The following GABRA3 variants were observed in gnomAD, a reference collection of about 807,000 sequenced individuals.
GABRA3 encodes gamma-aminobutyric acid receptor subunit alpha-3.
In GABRA3, 10 loss-of-function variants were observed where a neutral mutation model predicts 30.1. That is an observed-to-expected ratio of 0.33 (90% CI 0.20 to 0.56). The LOEUF is 0.56. GABRA3 is among the 20% of genes least tolerant of loss of function. The probability of loss-of-function intolerance (pLI) is 0.89; values close to 1 mark genes in which losing one functional copy is unlikely to be tolerated. For synonymous variants in GABRA3, 151 were observed against 146.8 expected (o/e 1.03, Z -0.21); for missense variants, 233 against 392.0 (o/e 0.59, Z 3.42).
intron 5 of GABRA3, among the ~76,000 whole-genome samples, chrX:152,225,402 ACG>A (rs1182937744): frequency 3.7e-5 from 3 of 81,073 alleles, no homozygotes; most frequent in African/African-American, 1.5e-4. Flanking sequence ...CACCACACAC[ACG>A]CACACACACA....
At chrX:152,447,183 C>A (rs1483420158) in intron 1 of GABRA3, among the ~76,000 whole-genome samples, 1 of 110,970 alleles carries the variant, frequency 9.0e-6, no homozygotes, top group Non-Finnish European at 1.9e-5. Context: ...CCTGTATCTC[C>A]CACATTATCT....
rs189748586 is a variant in GABRA3 at position 152,211,511 on chromosome X, G to T, written c.635-3367C>A. On this transcript the variant is annotated intron_variant, in intron 6 of 9. Transcript: ENST00000370314. Reference sequence around the variant, plus strand: ...ATAAGATAGAGGGCAAAGCAGGAAAGACATGAATAAGTGGAAGACGAAGAT... The same window carrying T: ...ATAAGATAGAGGGCAAAGCAGGAAATACATGAATAAGTGGAAGACGAAGAT... 6.5e-3 allele frequency among the ~76,000 whole-genome samples: 721 copies of T among 111,605 alleles called. 3 individuals carry two copies. Among genetic ancestry groups the T allele is most frequent in the Non-Finnish European group, 9.6e-3 (508 of 53,153 alleles).
intron 1 of GABRA3, among the ~76,000 whole-genome samples, chrX:152,377,709 CA>C (rs755614707): frequency 9.0e-6 from 1 of 111,233 alleles, no homozygotes; most frequent in Non-Finnish European, 1.9e-5. Flanking sequence ...ACAGAGCTAC[CA>C]AACCATGTTG....
At chrX:152,407,759 A>AAG (rs1266326965) in intron 1 of GABRA3, among the ~76,000 whole-genome samples, 1 of 111,809 alleles carries the variant, frequency 8.9e-6, no homozygotes, top group Non-Finnish European at 1.9e-5. Context: ...AAACCAGAGG[A>AAG]AGACACAACA....
intron 4 of GABRA3, among the ~76,000 whole-genome samples, chrX:152,282,084 G>T (rs1217784920): frequency 8.9e-6 from 1 of 112,136 alleles, no homozygotes; most frequent in African/African-American, 3.2e-5. Flanking sequence ...GTCTGTAAGG[G>T]CCAGTGTTTG....
Position 152,223,760 on chromosome X carries a change from G to A in GABRA3, c.634+1003C>T, listed in dbSNP as rs1382013932. Among the ~76,000 whole-genome samples the A allele has an allele frequency of 2.7e-5, 3 of 109,913 alleles. No individual in the cohort carries two copies. In the East Asian group the frequency reaches 8.7e-4, roughly 32 times the overall value. Reference sequence around the variant, plus strand: ...TAATCACCCTACTTTCAATTTCAGTGGTAACACAAATCCTCCACCTAGGCA... The same window carrying A: ...TAATCACCCTACTTTCAATTTCAGTAGTAACACAAATCCTCCACCTAGGCA... On this transcript the variant is annotated intron_variant, in intron 6 of 9. Coordinates refer to ENST00000370314, the MANE Select transcript of GABRA3 (RefSeq NM_000808.4).
intron 9 of GABRA3, chrX:152,187,261 G>A (rs934430784): frequency 3.6e-5 from 4 of 111,532 alleles, no homozygotes; most frequent in South Asian, 7.5e-4. Context: ...GTAAGGGCTC[G>A]GAAGTGAAGT....
chrX:152,273,888 A>C (rs1250549957), intron 4 of GABRA3, among the ~76,000 whole-genome samples: 2 of 111,680 alleles, frequency 1.8e-5, no homozygotes, highest in Non-Finnish European at 3.8e-5. Flanking sequence ...GTGTATATGT[A>C]TTATTTTACC....
intron 3 of GABRA3, among the ~76,000 whole-genome samples, chrX:152,325,291 G>A (rs1940035752): frequency 8.9e-6 from 1 of 111,996 alleles, no homozygotes; most frequent in Non-Finnish European, 1.9e-5. Flanking sequence ...CTCCCAGCGT[G>A]AGCAATGCAG....
intron 1 of GABRA3, among the ~76,000 whole-genome samples, chrX:152,443,195 A>C (rs977507236): frequency 8.9e-6 from 1 of 112,212 alleles, no homozygotes; most frequent in Admixed American, 9.4e-5. Context: ...CAAAGATCAT[A>C]AATAGATGTT....
chrX:152,280,216 T>C (rs1360400875), intron 4 of GABRA3, among the ~76,000 whole-genome samples: 1 of 111,345 alleles, frequency 9.0e-6, no homozygotes, highest in South Asian at 3.8e-4. Flanking sequence ...TGGCTCTCTA[T>C]GTTACGTAAA....
chrX:152,213,262 G>A (rs1185286900), intron 6 of GABRA3, among the ~76,000 whole-genome samples: 4 of 111,681 alleles, frequency 3.6e-5, no homozygotes, highest in African/African-American at 1.3e-4. Context: ...TCAGTTACCC[G>A]TTCAACAAAT....
intron 1 of GABRA3, among the ~76,000 whole-genome samples, chrX:152,397,186 G>T (rs769038923): frequency 8.9e-6 from 1 of 111,913 alleles, no homozygotes; most frequent in Admixed American, 9.5e-5. Context: ...GGCATATTTG[G>T]CTTCTATAAG....
chrX:152,295,927 C>T (rs1199608393), intron 3 of GABRA3, among the ~76,000 whole-genome samples: 1 of 111,843 alleles, frequency 8.9e-6, no homozygotes, highest in Non-Finnish European at 1.9e-5. Context: ...TGTTAACTGT[C>T]CCTCTGAAAT....
intron 2 of GABRA3, among the ~76,000 whole-genome samples, chrX:152,355,285 C>T (rs777683823): frequency 1.5e-4 from 17 of 111,477 alleles, no homozygotes; most frequent in Non-Finnish European, 2.6e-4. Flanking sequence ...CAGCATATTT[C>T]GTTTGCCTTT....
At chrX:152,171,287 A>G (rs1936998847) in intron 9 of GABRA3, 1 of 185,711 alleles carries the variant, frequency 5.4e-6, no homozygotes, top group Non-Finnish European at 8.4e-6. Flanking sequence ...CTCCATAGGC[A>G]CTTTATGTTC....
intron 1 of GABRA3, among the ~76,000 whole-genome samples, chrX:152,394,145 T>A (rs1929577917): frequency 9.0e-6 from 1 of 111,521 alleles, no homozygotes; most frequent in Non-Finnish European, 1.9e-5. Context: ...ACCTTACTAC[T>A]TTTTTTGTCA....
intron 3 of GABRA3, among the ~76,000 whole-genome samples, chrX:152,328,612 C>T (rs1331856385): frequency 8.9e-6 from 1 of 111,842 alleles, no homozygotes; most frequent in Non-Finnish European, 1.9e-5. Context: ...ACAATTATTT[C>T]AATAGATGCA....
intron 3 of GABRA3, among the ~76,000 whole-genome samples, chrX:152,300,881 T>G (rs951287189): frequency 9.0e-6 from 1 of 111,353 alleles, no homozygotes; most frequent in Admixed American, 9.6e-5. Context: ...TATTGGATAA[T>G]AGGATAAGGT....
Sources: allele counts gnomAD v4.1 joint callset (sites outside exome capture counted in the v4.1 genomes callset), GRCh38; gene constraint gnomAD v4.1.1; transcripts MANE v1.5; gene names NCBI Gene and HGNC (gene_info 2026-07-23, HGNC 2026-07-21).